Variants in NEDD9 observed in about 807,000 individuals in gnomAD.
The protein encoded by NEDD9 is neural precursor cell expressed, developmentally down-regulated 9, also known as enhancer of filamentation 1.
In NEDD9, 26 loss-of-function variants were observed where a neutral mutation model predicts 76.6. That is an observed-to-expected ratio of 0.34 (90% CI 0.25 to 0.47). The LOEUF (loss-of-function observed/expected upper bound fraction) is 0.47. Among genes scored for constraint, NEDD9 ranks in the 20% least tolerant of loss-of-function variants. NEDD9 has a pLI of 1.00. For missense variants in NEDD9, 937 were observed against 1,058.5 expected (o/e 0.89, Z 1.59); for synonymous variants, 392 against 414.2 (o/e 0.95, Z 0.65).
upstream of NEDD9, among the ~76,000 whole-genome samples, chr6:11,236,694 T>G (rs1168022116): frequency 6.6e-6 from 1 of 152,236 alleles, no homozygotes. The surrounding 1 kb of genome is among the most constrained non-coding windows in gnomAD (Gnocchi z 5.5). Context: ...GTCTGGTCTA[T>G]TCTAATGATT....
At chr6:11,218,817 C>A (rs1471938381) in intron 1 of NEDD9, among the ~76,000 whole-genome samples, 1 of 152,130 alleles carries the variant, frequency 6.6e-6, no homozygotes, top group South Asian at 2.1e-4. Flanking sequence ...CTATGGGAGA[C>A]AGACAGCAGG....
At chr6:11,355,191 A>G (rs972970154) in intron 1 of NEDD9, among the ~76,000 whole-genome samples, 2 of 152,210 alleles carry the variant, frequency 1.3e-5, no homozygotes, top group Admixed American at 6.5e-5. Context: ...ACACAGGAAT[A>G]GTCCAGAGTA....
intron 3 of NEDD9, among the ~76,000 whole-genome samples, chr6:11,294,655 A>G (rs143069329): frequency 8.9e-4 from 135 of 152,324 alleles, no homozygotes; most frequent in African/African-American, 3.0e-3. Flanking sequence ...GTAAGAACGA[A>G]CTAATATATC....
At position 11,204,374 on chromosome 6, in the gene NEDD9, C is replaced by T. The variant is rs540633259; in HGVS notation, c.459+8907G>A. Among the ~76,000 whole-genome samples the T allele has an allele frequency of 2.7e-4, 41 of 152,258 alleles. 1 individual carries two copies. The highest frequency in any genetic ancestry group is 5.9e-4 in the Admixed American group (9 of 15,296). Reference sequence around the variant, plus strand: ...TGGGTAACTTGTGTTTTGGGAGGTGCCCCCACCTGGTTAAATGAAGTTACC... The same window carrying T: ...TGGGTAACTTGTGTTTTGGGAGGTGTCCCCACCTGGTTAAATGAAGTTACC... On this transcript the variant is annotated intron_variant, in intron 2 of 6. Transcript: ENST00000379446.
intron 2 of NEDD9, among the ~76,000 whole-genome samples, chr6:11,196,866 T>C (rs933106224): frequency 5.3e-5 from 8 of 152,136 alleles, no homozygotes; most frequent in African/African-American, 1.9e-4. Flanking sequence ...GCTCGAAGTC[T>C]TCTACTTTTG....
intron 1 of NEDD9, chr6:11,352,381 C>T (rs555726476): frequency 6.6e-6 from 1 of 152,324 alleles, no homozygotes; most frequent in Admixed American, 6.5e-5. Flanking sequence ...ACTCATTCAC[C>T]CACAGCCGCT....
chr6:11,344,911 C>T (rs1762336929), intron 1 of NEDD9, among the ~76,000 whole-genome samples: 1 of 152,108 alleles, frequency 6.6e-6, no homozygotes, highest in Admixed American at 6.6e-5. Flanking sequence ...GGAAAAGAGT[C>T]GAAGTACTCA....
At chr6:11,366,297 A>AGG (rs1561848990) in intron 1 of NEDD9, among the ~76,000 whole-genome samples, 7,614 of 124,476 alleles carry the variant, frequency 0.061, 201 homozygotes, top group Non-Finnish European at 0.067. Flanking sequence ...GAAGGAAGGA[A>AGG]AGAAAGAAAG....
At chr6:11,374,791 T>C (rs974449106) in intron 1 of NEDD9, among the ~76,000 whole-genome samples, 1 of 152,260 alleles carries the variant, frequency 6.6e-6, no homozygotes, top group African/African-American at 2.4e-5. Context: ...TATAGAACTT[T>C]TCCCCAAGGG....
chr6:11,268,406 G>A (rs1760239541), intron 3 of NEDD9, among the ~76,000 whole-genome samples: 1 of 151,832 alleles, frequency 6.6e-6, no homozygotes, highest in Admixed American at 6.6e-5. Flanking sequence ...ATAAGACTGA[G>A]TCAAAATTGT....
intron 3 of NEDD9, among the ~76,000 whole-genome samples, chr6:11,300,697 G>T (rs1163178625): frequency 1.3e-5 from 2 of 152,138 alleles, no homozygotes; most frequent in Non-Finnish European, 2.9e-5. Flanking sequence ...GAAGAGAGTG[G>T]GGGCCAATAT....
intron 1 of NEDD9, among the ~76,000 whole-genome samples, chr6:11,337,164 G>A (rs1449638761): frequency 6.6e-6 from 1 of 152,146 alleles, no homozygotes; most frequent in African/African-American, 2.4e-5. Flanking sequence ...GTTGCAGTGA[G>A]CCCAGATCAT....
intron 3 of NEDD9, among the ~76,000 whole-genome samples, chr6:11,270,087 T>C (rs1760272544): frequency 6.6e-6 from 1 of 152,278 alleles, no homozygotes; most frequent in East Asian, 1.9e-4. Flanking sequence ...CGAGATCGCA[T>C]CACTGCACTC....
Position 11,345,689 on chromosome 6 carries a change from A to C in NEDD9, c.-213-11128T>G, listed in dbSNP as rs867794320. Among the ~76,000 whole-genome samples the C allele has an allele frequency of 2.0e-5, 3 of 152,284 alleles. No homozygotes were observed. The South Asian group carries it at 6.2e-4, about 32-fold the overall frequency. On this transcript the variant is annotated intron_variant, in intron 1 of 3. Coordinates refer to the NEDD9 transcript ENST00000397378. The stretch of plus-strand genomic sequence containing the variant: ...AAAGAGACTTCCTGGAGTAGGAATG[A>C]TCTTTTCACCCTCATCAACACTGGT...
intron 2 of NEDD9, among the ~76,000 whole-genome samples, chr6:11,196,248 G>A (rs1487637375): frequency 6.6e-6 from 1 of 152,152 alleles, no homozygotes; most frequent in Non-Finnish European, 1.5e-5. Flanking sequence ...AGCTTGCAGT[G>A]AGCCAAGATC....
chr6:11,307,962 T>C (rs1026502012), intron 2 of NEDD9, among the ~76,000 whole-genome samples: 2 of 152,100 alleles, frequency 1.3e-5, no homozygotes, highest in East Asian at 3.9e-4. Flanking sequence ...CAAGAGACCA[T>C]GCCCACCCGA....
At chr6:11,330,330 C>T (rs554893524) in intron 2 of NEDD9, among the ~76,000 whole-genome samples, 2 of 152,240 alleles carry the variant, frequency 1.3e-5, no homozygotes, top group African/African-American at 4.8e-5. Context: ...AGACCTTTAA[C>T]TTGTAAAGAG....
intron 3 of NEDD9, among the ~76,000 whole-genome samples, chr6:11,288,191 A>T (rs1285521339): frequency 6.6e-6 from 1 of 152,194 alleles, no homozygotes. Context: ...CAAGTGGCGT[A>T]TGGCGTGTGG....
intron 1 of NEDD9, among the ~76,000 whole-genome samples, chr6:11,229,282 G>A (rs1759396105): frequency 6.6e-6 from 1 of 152,234 alleles, no homozygotes; most frequent in African/African-American, 2.4e-5. Context: ...GAATTTTAAT[G>A]TAGGCACGTA....
Sources: gnomAD v4.1 joint callset for allele counts (sites outside exome capture counted in the v4.1 genomes callset) on GRCh38, gnomAD v4.1.1 for gene constraint, Gnocchi (gnomAD v3.1) non-coding constraint, MANE v1.5 for transcripts, NCBI Gene and HGNC (gene_info 2026-07-23, HGNC 2026-07-21) for gene names.